Variants in IRS4 observed in about 807,000 individuals in gnomAD.
The protein encoded by IRS4 is insulin receptor substrate 4.
In IRS4, 15 loss-of-function variants were observed where a neutral mutation model predicts 48.6. The ratio of observed to expected loss-of-function variants is 0.31; its 90% CI spans 0.21 to 0.48. The LOEUF (loss-of-function observed/expected upper bound fraction) is 0.48, where lower values mean the gene tolerates loss of function less well. Ranked by LOEUF, IRS4 falls within the 20% of genes least tolerant of loss-of-function variation. The pLI is 0.99. For missense variants in IRS4, 987 were observed against 1,023.4 expected (o/e 0.96, Z 0.49); for synonymous variants, 459 against 413.2 (o/e 1.11, Z -1.34).
Position 108,733,163 on chromosome X carries a change from G to T in IRS4, c.3182C>A (p.Ser1061Tyr), listed in dbSNP as rs755527863. Reference protein sequence around the residue: ...FSECCMDISLSPSRCSEPPPV... With the variant: ...FSECCMDISLYPSRCSEPPPV... ...TGGTGGTTCAGAACATCGGCTGGGG[G>T]AGAGAGAAATATCCATACAGCACTC... Residue 1061 changes from serine (S) to tyrosine (Y), a missense_variant, in exon 1 of 2, where the codon TCC becomes TAC. Physicochemically the swap from Ser to Tyr is moderately radical, Grantham distance 144. Around this residue, in one of 4 missense-constraint regions of IRS4, gnomAD observed 720 missense variants for 660.3 expected, o/e 1.09. Coordinates refer to ENST00000372129, the MANE Select transcript of IRS4 (RefSeq NM_001379150.1). The T allele has an allele frequency of 8.3e-7, 1 of 1,210,876 alleles. No individual in the cohort carries two copies. The highest frequency in any genetic ancestry group is 1.1e-6 in the Non-Finnish European group (1 of 894,601).
At chrX:108,724,427 G>A (rs2068866208) in intron 1 of IRS4, 1 of 112,345 alleles carries the variant, frequency 8.9e-6, no homozygotes, top group African/African-American at 3.2e-5. Flanking sequence ...AAGGAATAAT[G>A]TTATCCCAAA....
In IRS4 at chrX:108,733,367, G is replaced by C; in HGVS notation, c.2978C>G (p.Ala993Gly). The C allele has an allele frequency of 8.3e-7, 1 of 1,211,823 alleles. No individual in the cohort carries two copies. The highest frequency in any genetic ancestry group is 3.0e-5 in the East Asian group (1 of 33,824). The part of the protein sequence containing the change: ...PRANPLSLDS[A>G]RWPLPPLPLS... ...GGGAAGGGGAGGAAGTGGCCACCTAGCACTGTCCAGAGATAAGGGGTTGGC... is the reference window on the plus strand; with the variant it reads ...GGGAAGGGGAGGAAGTGGCCACCTACCACTGTCCAGAGATAAGGGGTTGGC... The change falls in exon 1 of 2, where the codon GCT becomes GGT. Residue 993 changes from alanine to glycine, a missense_variant. By Grantham distance (60) the Ala-to-Gly change is moderately conservative (BLOSUM62 0). Transcript: ENST00000372129.
Position 108,720,905 on chromosome X carries a change from C to T in IRS4, c.*1614G>A, listed in dbSNP as rs900288430. 1.1e-4 allele frequency: 12 copies of T among 112,263 alleles called. No individual in the cohort carries two copies. The highest frequency in any genetic ancestry group is 3.6e-4 in the African/African-American group (11 of 30,840). 9.3% of individuals were successfully genotyped at this position (112,263 alleles called of 1,213,427 possible). A position where few individuals can be genotyped will look rare whatever the true frequency, so the allele number is the denominator to read the frequency against. ...GTAGGCAAGGAAAAATAGAAGTCAACTCGGTTCTTTGGAAAAGTTAGTTTA... is the reference window on the plus strand; with the variant it reads ...GTAGGCAAGGAAAAATAGAAGTCAATTCGGTTCTTTGGAAAAGTTAGTTTA... On this transcript the variant is annotated 3_prime_UTR_variant, in exon 2 of 2. Coordinates refer to ENST00000372129, the MANE Select transcript of IRS4 (RefSeq NM_001379150.1).
rs1435177218 is a variant in IRS4 at position 108,733,546 on chromosome X, T to C, written c.2799A>G (p.Thr933=). The change falls in exon 1 of 2, where the codon ACA becomes ACG. Residue 933 remains threonine (T), a synonymous_variant. Coordinates refer to ENST00000372129, the MANE Select transcript of IRS4 (RefSeq NM_001379150.1). ...NMDFTKRESN[T]PAPSTQGLPD... The stretch of plus-strand genomic sequence containing the variant: ...GTAGTCCTTGAGTAGAGGGAGCTGG[T>C]GTATTGCTCTCTCTTTTAGTGAAGT... 1.1e-5 allele frequency: 13 copies of C among 1,211,413 alleles called. No individual in the cohort carries two copies. Among genetic ancestry groups the C allele is most frequent in the Admixed American group, 2.2e-5 (1 of 46,102 alleles).
Position 108,733,315 on chromosome X carries a change from A to C in IRS4, c.3030T>G (p.Ile1010Met). 8.3e-7 allele frequency: 1 copy of C among 1,211,484 alleles called. No individual in the cohort carries two copies. Among genetic ancestry groups the C allele is most frequent in the Non-Finnish European group, 1.1e-6 (1 of 895,309 alleles). ...CTTCAATGTAGTCACCCTCTTCCTC[A>C]ATAGCATTGCTACCTGTAGCACTGA... Reference protein sequence around the residue: ...LPLSATGSNAIEEEGDYIEVI... With the variant: ...LPLSATGSNAMEEEGDYIEVI... Residue 1010 changes from isoleucine to methionine, a missense_variant, in exon 1 of 2, where the codon ATT becomes ATG. By Grantham distance (10) the Ile-to-Met change is conservative. Coordinates refer to ENST00000372129, the MANE Select transcript of IRS4 (RefSeq NM_001379150.1).
Position 108,735,711 on chromosome X carries a change from G to T in IRS4, c.634C>A (p.Gln212Lys). 8.5e-7 allele frequency: 1 copy of T among 1,177,653 alleles called. No homozygotes were observed. The highest frequency in any genetic ancestry group is 1.1e-6 in the Non-Finnish European group (1 of 879,316). Residue 212 changes from glutamine (Q) to lysine (K), a missense_variant, in exon 1 of 2, where the codon CAG becomes AAG. By Grantham distance (53) the Gln-to-Lys change is moderately conservative. This residue lies in a region of IRS4 where 173 missense variants were observed against 208.9 expected (regional missense o/e 0.83). Transcript: ENST00000372129. Reference sequence around the variant, plus strand: ...AGCGCGGCCGGCTCTCCGTCCGGCTGCGCGCCGAGCGTGCCGCAGCGGCGG... The same window carrying T: ...AGCGCGGCCGGCTCTCCGTCCGGCTTCGCGCCGAGCGTGCCGCAGCGGCGG... ...KRRRCGTLGA[Q>K]PDGEPAALAA...
chrX:108,734,107 C>T lies in IRS4; in HGVS notation c.2238G>A (p.Met746Ile). 1 of 1,211,636 alleles carries T rather than the reference C, an allele frequency of 8.3e-7. No individual in the cohort carries two copies. The highest frequency in any genetic ancestry group is 1.7e-5 in the African/African-American group (1 of 57,690). The part of the protein sequence containing the change: ...PFEDSRGYMM[M>I]FPRVSPPPAP... ...CAGGTGGTGGGCTCACTCTGGGAAA[C>T]ATCATCATGTACCCTCTTGAATCTT... Residue 746 changes from methionine (M) to isoleucine (I), a missense_variant, in exon 1 of 2, where the codon ATG becomes ATA. Transcript: ENST00000372129.
In IRS4 at chrX:108,733,805, T is replaced by C; in HGVS notation, c.2540A>G (p.Tyr847Cys). 8.3e-7 allele frequency: 1 copy of C among 1,211,844 alleles called. No individual in the cohort carries two copies. The highest frequency in any genetic ancestry group is 1.7e-5 in the African/African-American group (1 of 57,773). Residue 847 changes from tyrosine to cysteine, a missense_variant, in exon 1 of 2, where the codon TAT becomes TGT. Transcript: ENST00000372129. The stretch of plus-strand genomic sequence containing the variant: ...AGCTGCATCTTTGGGGTCCCAGTTA[T>C]AGGAGACTTCTTTGTCTAGGCCCCT... ...LGRGLDKEVS[Y>C]NWDPKDAASK...
At chrX:108,729,379 T>C (rs1479524835) in intron 1 of IRS4, among the ~76,000 whole-genome samples, 1 of 110,142 alleles carries the variant, frequency 9.1e-6, no homozygotes, top group East Asian at 2.8e-4. Context: ...GCTGCCCTTT[T>C]ATATCCTCCC....
In IRS4 at chrX:108,734,974, A is replaced by G. The variant is rs1178554750; in HGVS notation, c.1371T>C (p.Ser457=). The G allele has an allele frequency of 8.3e-7, 1 of 1,210,241 alleles. No homozygotes were observed. Among genetic ancestry groups the G allele is most frequent in the Non-Finnish European group, 1.1e-6 (1 of 895,311 alleles). The part of the protein sequence containing the change: ...AEAPNNGARL[S]SEVSGSGSGN... ...CAGAGCCAGAACCAGACACTTCAGA[A>G]GACAGGCGAGCTCCATTGTTCGGGG... The change falls in exon 1 of 2, where the codon TCT becomes TCC. Residue 457 remains serine, a synonymous_variant. Transcript: ENST00000372129.
rs888831933 is a variant in IRS4, at chrX:108,733,080, A to G, written c.3265T>C (p.Ser1089Pro). The change falls in exon 1 of 2, where the codon TCT (serine) becomes CCT (proline). Residue 1089 changes from serine to proline, a missense_variant. By Grantham distance (74) the Ser-to-Pro change is moderately conservative. Transcript: ENST00000372129. ...CTGGCTGCTGCAAAGAAACTTTGAGAACGGCTTTGTGGGCGTCTTCTCTCC... is the reference window on the plus strand; with the variant it reads ...CTGGCTGCTGCAAAGAAACTTTGAGGACGGCTTTGTGGGCGTCTTCTCTCC... ...EQERRRPQSR[S>P]QSFFAAARAA... The G allele has an allele frequency of 2.5e-6, 3 of 1,211,739 alleles. No individual in the cohort carries two copies. The highest frequency in any genetic ancestry group is 1.8e-5 in the South Asian group (1 of 56,980).
chrX:108,735,736 G>T lies in IRS4; in HGVS notation c.609C>A (p.Arg203=). The T allele has an allele frequency of 8.4e-7, 1 of 1,188,347 alleles. No individual in the cohort carries two copies. Among genetic ancestry groups the T allele is most frequent in the Middle Eastern group, 2.4e-4 (1 of 4,230 alleles). ...LLSRLILESK[R]RRCGTLGAQP... ...GCGCGCCGAGCGTGCCGCAGCGGCG[G>T]CGCTTGCTCTCGAGGATGAGGCGGC... Residue 203 remains arginine (R), a synonymous_variant, in exon 1 of 2, where the codon CGC becomes CGA. Transcript: ENST00000372129.
Position 108,720,141 on chromosome X carries a change from T to C in IRS4, c.*2378A>G, listed in dbSNP as rs2068850802. The C allele has an allele frequency of 8.9e-6, 1 of 112,078 alleles. No homozygotes were observed. 9.2% of individuals were successfully genotyped at this position (112,078 alleles called of 1,213,427 possible). A position where few individuals can be genotyped will look rare whatever the true frequency, so the allele number is the denominator to read the frequency against. On this transcript the variant is annotated 3_prime_UTR_variant, in exon 2 of 2. Transcript: ENST00000372129. ...CAAAGCCAAAGCAACTCAAAGCATATCTGTGAAGCAGAAATAGCAGATGTA... is the reference window on the plus strand; with the variant it reads ...CAAAGCCAAAGCAACTCAAAGCATACCTGTGAAGCAGAAATAGCAGATGTA...
At position 108,722,069 on chromosome X, in the gene IRS4, T is replaced by C. The variant is rs767895833; in HGVS notation, c.*450A>G. Reference sequence around the variant, plus strand: ...ATACCTTCCTTCCAATTATGACAGCTGTTTTTTCTTTATGTGCCCTGGTTT... The same window carrying C: ...ATACCTTCCTTCCAATTATGACAGCCGTTTTTTCTTTATGTGCCCTGGTTT... On this transcript the variant is annotated 3_prime_UTR_variant, in exon 2 of 2. Coordinates refer to ENST00000372129, the MANE Select transcript of IRS4 (RefSeq NM_001379150.1). 1 of 112,390 alleles carries C rather than the reference T, an allele frequency of 8.9e-6. No individual in the cohort carries two copies. Among genetic ancestry groups the C allele is most frequent in the Non-Finnish European group, 1.9e-5 (1 of 53,391 alleles). 9.3% of individuals were successfully genotyped at this position (112,390 alleles called of 1,213,427 possible).
rs778423131 is a variant in IRS4, at chrX:108,735,926, G to T, written c.419C>A (p.Pro140Gln). ...GATCACGCGCCGCGGTGGAATGAGC[G>T]GGGGGATCGCGGCGCCAGAGGCGGC... ...AAAASGAAIPPLIPPRRVITL... is the reference protein window; with the variant it reads ...AAAASGAAIPQLIPPRRVITL... Residue 140 changes from proline (P) to glutamine (Q), a missense_variant, in exon 1 of 2, where the codon CCG (proline) becomes CAG (glutamine). This residue lies in a region of IRS4 where 173 missense variants were observed against 208.9 expected (regional missense o/e 0.83). Coordinates refer to ENST00000372129, the MANE Select transcript of IRS4 (RefSeq NM_001379150.1). The T allele has an allele frequency of 1.7e-5, 20 of 1,206,064 alleles. No homozygotes were observed. The highest frequency in any genetic ancestry group is 6.0e-5 in the East Asian group (2 of 33,534).
At chrX:108,730,302 C>T (rs1603335727) in intron 1 of IRS4, among the ~76,000 whole-genome samples, 2 of 104,987 alleles carry the variant, frequency 1.9e-5, no homozygotes, top group Admixed American at 1.0e-4. Context: ...CCATCAACAC[C>T]ACCACCACCA....
rs753894481 is a variant in IRS4 at position 108,736,331 on chromosome X, G to A, written c.14C>T (p.Ser5Phe). 1 of 1,209,525 alleles carries A rather than the reference G, an allele frequency of 8.3e-7. No individual in the cohort carries two copies. Among genetic ancestry groups the A allele is most frequent in the African/African-American group, 1.7e-5 (1 of 57,226 alleles). Residue 5 changes from serine (S) to phenylalanine (F), a missense_variant, in exon 1 of 2, where the codon TCC becomes TTC. Transcript: ENST00000372129. MASC[S>F]FTRDQATRRL... is the part of the protein sequence containing the mutation. ...TCTTGTCGCTTGGTCGCGAGTGAAG[G>A]AGCAACTCGCCATGGTGATGCACGA...
intron 1 of IRS4, among the ~76,000 whole-genome samples, chrX:108,730,643 G>A (rs1487673218): frequency 8.9e-6 from 1 of 111,863 alleles, no homozygotes; most frequent in Admixed American, 9.5e-5. Context: ...TTTACAGAAT[G>A]TTAAATCTCC....
At position 108,720,525 on chromosome X, in the gene IRS4, G is replaced by A. The variant is rs1048044653; in HGVS notation, c.*1994C>T. The A allele has an allele frequency of 2.3e-4, 26 of 111,864 alleles. No individual in the cohort carries two copies. Among genetic ancestry groups the A allele is most frequent in the Non-Finnish European group, 3.8e-4 (20 of 53,221 alleles). 9.2% of individuals were successfully genotyped at this position (111,864 alleles called of 1,213,427 possible). ...CTGTTACATCTGTGCTGTACCCTCT[G>A]TACCCTGTCTGCTGGCAGCTTCTGA... On this transcript the variant is annotated 3_prime_UTR_variant, in exon 2 of 2. Coordinates refer to ENST00000372129, the MANE Select transcript of IRS4 (RefSeq NM_001379150.1).
Sources: gnomAD v4.1 joint callset for allele counts (sites outside exome capture counted in the v4.1 genomes callset) on GRCh38, gnomAD v4.1.1 for gene constraint, gnomAD v4.1.1 regional missense constraint, MANE v1.5 for transcripts, NCBI Gene and HGNC (gene_info 2026-07-23, HGNC 2026-07-21) for gene names.